HLCS: variants seen among roughly 807,000 people sequenced by gnomAD.
HLCS encodes biotin--protein ligase.
HLCS carries 53 observed loss-of-function variants against 75.0 expected under a neutral mutation model. That is an observed-to-expected ratio of 0.71 (90% confidence interval 0.57 to 0.89). The LOEUF is 0.89. Ranked by LOEUF, HLCS falls within the 40% of genes least tolerant of loss-of-function variation. HLCS has a pLI of 0.00. For missense variants in HLCS, 966 were observed against 1,074.0 expected, an observed-to-expected ratio of 0.90 and a Z score of 1.41; for synonymous variants, 431 against 428.6, an observed-to-expected ratio of 1.01 and a Z score of -0.07.
In HLCS at chr21:36,936,841, C is replaced by G. The variant is rs148324626; in HGVS notation, c.1045G>C (p.Glu349Gln). 1.2e-6 allele frequency: 2 copies of G among 1,614,056 alleles called. No homozygotes were observed. Among genetic ancestry groups the G allele is most frequent in the African/African-American group, 2.7e-5 (2 of 74,948 alleles). Residue 349 changes from glutamate to glutamine, a missense_variant, in exon 4 of 11, where the codon GAG becomes CAG. Transcript: ENST00000674895. The stretch of plus-strand genomic sequence containing the variant: ...CACGGGTCTCTGAGAGCACTGTCCT[C>G]CAGCAGGTGGTAGAGAATATAACTG... ...IDSYILYHLLEDSALRDPWTD... is the reference protein window; with the variant it reads ...IDSYILYHLLQDSALRDPWTD...
At chr21:36,763,728 A>G (rs1158581874) in intron 8 of HLCS, among the ~76,000 whole-genome samples, 3 of 152,200 alleles carry the variant, frequency 2.0e-5, no homozygotes, top group Non-Finnish European at 2.9e-5. Context: ...TTATACCCAT[A>G]TGAAATTCTT....
At position 36,950,978 on chromosome 21, in the gene HLCS, CAG is replaced by C. The variant is rs574937609; in HGVS notation, c.330+11056_330+11057del. On this transcript the variant is annotated intron_variant, in intron 2 of 10. Coordinates refer to ENST00000674895, the MANE Select transcript of HLCS (RefSeq NM_001352514.2). ...CCATTGGCAGGGAAGGCTGATGCAG[CAG>C]AGAGACAGGACTCCATGTATGAACA... 6.6e-4 allele frequency among the ~76,000 whole-genome samples: 101 copies of C among 152,274 alleles called. 1 individual carries two copies. Among genetic ancestry groups the C allele is most frequent in the Middle Eastern group, 3.4e-3 (1 of 294 alleles).
At chr21:36,917,533 C>A (rs949147121) in intron 5 of HLCS, among the ~76,000 whole-genome samples, 1 of 152,162 alleles carries the variant, frequency 6.6e-6, no homozygotes, top group South Asian at 2.1e-4. Context: ...GAATGAAAAA[C>A]ACACAAGTCT....
At chr21:36,759,057 T>A (rs1376745294) in intron 9 of HLCS, 3 of 469,636 alleles carry the variant, frequency 6.4e-6, no homozygotes, top group Non-Finnish European at 8.8e-6. Flanking sequence ...TGCCCCTTGG[T>A]GGCAGAGCTG....
At chr21:36,879,635 T>G (rs1446593290) in intron 6 of HLCS, among the ~76,000 whole-genome samples, 2 of 152,082 alleles carry the variant, frequency 1.3e-5, no homozygotes, top group African/African-American at 2.4e-5. Flanking sequence ...TGCCTCAAGT[T>G]ATAAGAGCTC....
At chr21:36,921,751 C>T (rs528030746) in intron 5 of HLCS, among the ~76,000 whole-genome samples, 24 of 152,280 alleles carry the variant, frequency 1.6e-4, no homozygotes, top group Non-Finnish European at 2.2e-4. Flanking sequence ...GCCCCTGTCC[C>T]CTGCACTCAG....
At chr21:36,970,898 G>A (rs2068768655), upstream of HLCS, among the ~76,000 whole-genome samples, 1 of 151,770 alleles carries the variant, frequency 6.6e-6, no homozygotes, top group Non-Finnish European at 1.5e-5. Flanking sequence ...GGAGGCTGAG[G>A]CAGGAGAATG....
intron 6 of HLCS, among the ~76,000 whole-genome samples, chr21:36,852,632 G>C (rs1366391634): frequency 6.6e-6 from 1 of 152,196 alleles, no homozygotes; most frequent in African/African-American, 2.4e-5. Flanking sequence ...GGCCAGCACA[G>C]AGCCCAGCAC....
chr21:36,961,319 T>C (rs547619104), intron 2 of HLCS, among the ~76,000 whole-genome samples: 1 of 152,256 alleles, frequency 6.6e-6, no homozygotes, highest in African/African-American at 2.4e-5. Flanking sequence ...TCAATAAAAA[T>C]ATAACGTGAG....
intron 6 of HLCS, among the ~76,000 whole-genome samples, chr21:36,833,001 T>C (rs111873156): frequency 6.6e-6 from 1 of 151,794 alleles, no homozygotes; most frequent in Non-Finnish European, 1.5e-5. Flanking sequence ...GGGAATACCA[T>C]GAGACAGAGG....
At chr21:36,797,280 G>C (rs2061055654) in intron 6 of HLCS, among the ~76,000 whole-genome samples, 1 of 151,966 alleles carries the variant, frequency 6.6e-6, no homozygotes, top group Non-Finnish European at 1.5e-5. Flanking sequence ...CAAATATTCA[G>C]CAACATAATA....
chr21:36,775,404 T>C (rs2060326467), intron 6 of HLCS, among the ~76,000 whole-genome samples: 1 of 152,230 alleles, frequency 6.6e-6, no homozygotes, highest in Non-Finnish European at 1.5e-5. Flanking sequence ...CCATAAATAC[T>C]AGATGCCTGC....
intron 6 of HLCS, among the ~76,000 whole-genome samples, chr21:36,849,802 C>T (rs1372361153): frequency 2.6e-5 from 4 of 152,210 alleles, no homozygotes; most frequent in Non-Finnish European, 4.4e-5. Context: ...TGGCCCAGGT[C>T]AATTTCTGTT....
At chr21:36,798,902 G>T (rs113995513) in intron 6 of HLCS, among the ~76,000 whole-genome samples, 1,850 of 152,176 alleles carry the variant, frequency 0.012, 30 homozygotes, top group African/African-American at 0.041. Flanking sequence ...TGAGTCGTAA[G>T]GTTCTTTATA....
chr21:36,789,982 A>G (rs1285669304), intron 6 of HLCS, among the ~76,000 whole-genome samples: 1 of 152,196 alleles, frequency 6.6e-6, no homozygotes, highest in Admixed American at 6.5e-5. Flanking sequence ...TTAACTTTTT[A>G]CAACTCCTGA....
intron 8 of HLCS, among the ~76,000 whole-genome samples, chr21:36,760,213 G>A (rs2089777738): frequency 6.6e-6 from 1 of 152,162 alleles, no homozygotes; most frequent in African/African-American, 2.4e-5. Flanking sequence ...GGTGGGGAGA[G>A]AATAGTAATC....
At chr21:36,767,126 A>C in intron 7 of HLCS, 92 bp downstream of exon 7, 1 of 1,227,270 alleles carries the variant, frequency 8.1e-7, no homozygotes, top group South Asian at 1.2e-5. Flanking sequence ...CCCCCAGATG[A>C]TCAGCACACA....
intron 6 of HLCS, among the ~76,000 whole-genome samples, chr21:36,879,331 G>A (rs1357219182): frequency 2.6e-5 from 4 of 152,102 alleles, no homozygotes; most frequent in African/African-American, 4.8e-5. Context: ...ATTTATAATA[G>A]GAAATCACCA....
intron 6 of HLCS, among the ~76,000 whole-genome samples, chr21:36,779,252 T>G (rs968985991): frequency 2.0e-5 from 3 of 152,122 alleles, no homozygotes; most frequent in Non-Finnish European, 2.9e-5. Context: ...ATACCCCTGA[T>G]GAATCAAAGG....
Sources: gnomAD v4.1 joint callset for allele counts (sites outside exome capture counted in the v4.1 genomes callset) on GRCh38, gnomAD v4.1.1 for gene constraint, MANE v1.5 for transcripts, NCBI Gene and HGNC (gene_info 2026-07-23, HGNC 2026-07-21) for gene names.